Variants in MTO1 observed in about 807,000 individuals in gnomAD.
The protein encoded by MTO1 is mitochondrial tRNA translation optimization 1, also known as 5-taurinomethyluridine-[tRNA] synthase subunit MTO1, mitochondrial.
A neutral mutation model predicts 71.6 loss-of-function variants in MTO1; 46 were observed. The observed-to-expected ratio is 0.64, with a 90% CI of 0.51 to 0.82. MTO1 has a LOEUF of 0.82. Ranked by LOEUF, MTO1 falls within the 40% of genes least tolerant of loss-of-function variation. The probability of loss-of-function intolerance (pLI) is 0.00; values close to 1 mark genes in which losing one functional copy is unlikely to be tolerated. For missense variants in MTO1, 773 were observed against 867.5 expected, an observed-to-expected ratio of 0.89 and a Z score of 1.37; for synonymous variants, 297 against 312.1, an observed-to-expected ratio of 0.95 and a Z score of 0.51.
chr6:73,480,841 A>T (rs1029241914), intron 7 of MTO1, 36 bp downstream of exon 7: 1 of 1,603,682 alleles, frequency 6.2e-7, no homozygotes. Flanking sequence ...ACTGAAAGGG[A>T]CTATTTAACT....
chr6:73,478,892 CTT>C (rs1352190387), intron 4 of MTO1, among the ~76,000 whole-genome samples: 8 of 134,076 alleles, frequency 6.0e-5, no homozygotes, highest in Admixed American at 7.6e-5. Context: ...TTTTTTTTTT[CTT>C]TTTTTTTTTT....
At chr6:73,474,964 G>A (rs1392903080) in intron 4 of MTO1, among the ~76,000 whole-genome samples, 2 of 151,344 alleles carry the variant, frequency 1.3e-5, no homozygotes, top group African/African-American at 2.4e-5. Context: ...CATGTTGGCC[G>A]GGCTGGTTTC....
At chr6:73,497,618 T>C in intron 10 of MTO1, 118 bp from the exon 11 acceptor site, 1 of 970,330 alleles carries the variant, frequency 1.0e-6, no homozygotes. Flanking sequence ...ATGAAATGAG[T>C]GTTGAATGAG....
At chr6:73,495,553 A>G (rs1049071634) in intron 10 of MTO1, among the ~76,000 whole-genome samples, 15 of 151,982 alleles carry the variant, frequency 9.9e-5, no homozygotes, top group Non-Finnish European at 1.8e-4. Context: ...TCTCATAACT[A>G]TCATGGCTTA....
intron 10 of MTO1, among the ~76,000 whole-genome samples, chr6:73,493,358 G>GTGTGTGTA (rs1771880651): frequency 7.8e-6 from 1 of 127,922 alleles, no homozygotes; most frequent in African/African-American, 4.4e-5. Flanking sequence ...GCATGTATGT[G>GTGTGTGTA]TGTGTGTGTG....
At chr6:73,496,407 T>C (rs1395994453) in intron 10 of MTO1, among the ~76,000 whole-genome samples, 1 of 152,090 alleles carries the variant, frequency 6.6e-6, no homozygotes, top group Non-Finnish European at 1.5e-5. Flanking sequence ...TTTTGTCAAC[T>C]AAGAAGCTTT....
chr6:73,492,602 G>A, intron 10 of MTO1: 1 of 341,274 alleles, frequency 2.9e-6, no homozygotes, highest in Non-Finnish European at 5.6e-6. Context: ...TTGAGCCTGG[G>A]CATTCCGGAC....
intron 11 of MTO1, among the ~76,000 whole-genome samples, chr6:73,498,327 T>C (rs1313541113): frequency 1.3e-5 from 2 of 151,730 alleles, no homozygotes; most frequent in African/African-American, 4.8e-5. Flanking sequence ...AAGTCAAGAA[T>C]TGGTTTGATT....
At chr6:73,480,529 C>A in intron 6 of MTO1, 146 bp from the exon 7 acceptor site, 1 of 1,043,136 alleles carries the variant, frequency 9.6e-7, no homozygotes, top group Non-Finnish European at 1.4e-6. Context: ...CTTGGCCCCC[C>A]AAAGTGCTGA....
intron 9 of MTO1, among the ~76,000 whole-genome samples, 169 bp downstream of exon 9, chr6:73,482,789 C>CT (rs35121302): frequency 0.52 from 48,358 of 92,426 alleles, 14,094 homozygotes; most frequent in Non-Finnish European, 0.62. Context: ...TTTTTTCTTT[C>CT]TTTTTTTTTT....
At position 73,475,090 on chromosome 6, in the gene MTO1, T is replaced by G. The variant is rs553681157; in HGVS notation, c.825+1436T>G. 5.3e-5 allele frequency among the ~76,000 whole-genome samples: 8 copies of G among 152,124 alleles called. No individual in the cohort carries two copies. The South Asian group carries it at 1.7e-3, about 32-fold the overall frequency. ...TTCATTACTTTTATAACCTTACATA[T>G]TTTGTAAATTAAGCTTTTATTTTAA... On this transcript the variant is annotated intron_variant, in intron 4 of 11. Coordinates refer to ENST00000498286, the MANE Select transcript of MTO1 (RefSeq NM_012123.4).
chr6:73,490,453 GAATT>G (rs1771773610), intron 9 of MTO1, among the ~76,000 whole-genome samples: 1 of 151,888 alleles, frequency 6.6e-6, no homozygotes, highest in Non-Finnish European at 1.5e-5. Flanking sequence ...AATCCATCTT[GAATT>G]AATTTTTGTA....
At chr6:73,489,357 A>G (rs1219610816) in intron 9 of MTO1, among the ~76,000 whole-genome samples, 2 of 150,626 alleles carry the variant, frequency 1.3e-5, no homozygotes, top group Non-Finnish European at 2.9e-5. Context: ...ACATATATAT[A>G]CATGTGCCAT....
chr6:73,467,499 G>A (rs1771032338), intron 3 of MTO1, among the ~76,000 whole-genome samples: 1 of 151,740 alleles, frequency 6.6e-6, no homozygotes, highest in Admixed American at 6.6e-5. Context: ...TGAAATCCCA[G>A]CTACTCAGGA....
chr6:73,482,304 A>G, intron 8 of MTO1, 60 bp downstream of exon 8: 2 of 1,589,422 alleles, frequency 1.3e-6, no homozygotes, highest in Non-Finnish European at 1.7e-6. Context: ...CTATAATCCA[A>G]GCAATTTGAG....
chr6:73,462,298 C>T (rs1475201040), intron 1 of MTO1: 8 of 586,288 alleles, frequency 1.4e-5, no homozygotes, highest in Non-Finnish European at 2.4e-5. Context: ...TGACAGTCGT[C>T]CGTTGTAGGA....
chr6:73,498,226 T>C (rs1021582333), intron 11 of MTO1, among the ~76,000 whole-genome samples: 17 of 151,828 alleles, frequency 1.1e-4, no homozygotes, highest in African/African-American at 4.1e-4. Flanking sequence ...AAAAAGAAAC[T>C]TGACCTCAGA....
rs1287711049 is a variant in MTO1, at chr6:73,502,950, A to G, written c.*2215A>G. 1.3e-5 allele frequency: 2 copies of G among 152,130 alleles called. No homozygotes were observed. Among genetic ancestry groups the G allele is most frequent in the Non-Finnish European group, 2.9e-5 (2 of 68,018 alleles). The allele number at this position is 152,130 out of a possible 1,614,324, so 9.4% of individuals were successfully genotyped here. A position where few individuals can be genotyped will look rare whatever the true frequency, so the allele number is the denominator to read the frequency against. On this transcript the variant is annotated 3_prime_UTR_variant, in exon 12 of 12. Coordinates refer to ENST00000498286, the MANE Select transcript of MTO1 (RefSeq NM_012123.4). Reference sequence around the variant, plus strand: ...ATATTTTGGGAGGTTCTTGACAGCTACAATTTGGGGCTAGTGACACTATAC... The same window carrying G: ...ATATTTTGGGAGGTTCTTGACAGCTGCAATTTGGGGCTAGTGACACTATAC...
chr6:73,492,966 A>ATGTG (rs1161293835), intron 10 of MTO1, among the ~76,000 whole-genome samples: 2 of 42,882 alleles, frequency 4.7e-5, no homozygotes, highest in South Asian at 1.2e-3. Context: ...TATATATAAT[A>ATGTG]TATGTGTGTG....
Sources: gnomAD v4.1 joint callset for allele counts (sites outside exome capture counted in the v4.1 genomes callset) on GRCh38, gnomAD v4.1.1 for gene constraint, MANE v1.5 for transcripts, NCBI Gene and HGNC (gene_info 2026-07-23, HGNC 2026-07-21) for gene names.